The following MEF2C variants were observed in gnomAD, a reference collection of about 807,000 sequenced individuals.
MEF2C encodes myocyte enhancer factor 2C.
A neutral mutation model predicts 50.5 loss-of-function variants in MEF2C; 6 were observed. The ratio of observed to expected loss-of-function variants is 0.12; its 90% CI spans 0.07 to 0.23. The LOEUF (loss-of-function observed/expected upper bound fraction) is 0.23, where lower values mean the gene tolerates loss of function less well. Among genes scored for constraint, MEF2C ranks in the 10% least tolerant of loss-of-function variants. MEF2C has a pLI of 1.00. For missense variants in MEF2C, 276 were observed against 605.0 expected, an observed-to-expected ratio of 0.46 and a Z score of 5.70; for synonymous variants, 183 against 228.0, an observed-to-expected ratio of 0.80 and a Z score of 1.78.
At chr5:88,887,667 A>G (rs1278400935), upstream of MEF2C, 8 of 152,260 alleles carry the variant, frequency 5.3e-5, no homozygotes, top group Admixed American at 1.3e-4. Context: ...ACTTTCAAAT[A>G]GATTTATTTC....
In MEF2C at chr5:88,729,367, GACATTACTGATGA is replaced by G. The variant is rs1223218209; in HGVS notation, c.835-33_835-21del. On this transcript the variant is annotated intron_variant, in intron 8 of 10. Coordinates refer to ENST00000504921, the MANE Select transcript of MEF2C (RefSeq NM_002397.5). The stretch of plus-strand genomic sequence containing the variant: ...TTGATTCTTTTAAAATAAATAAAAA[GACATTACTGATGA>G]ATTTTTTTAAAAGTTAAAAATATTA... The G allele has an allele frequency of 6.4e-7, 1 of 1,566,150 alleles. No homozygotes were observed. The highest frequency in any genetic ancestry group is 1.2e-5 in the South Asian group (1 of 86,038).
At chr5:88,741,206 G>A (rs573423273) in intron 6 of MEF2C, 1 of 985,320 alleles carries the variant, frequency 1.0e-6, no homozygotes, top group Admixed American at 6.1e-5. Context: ...AATACTACTG[G>A]AACTGCATTA....
At chr5:88,885,967 A>G (rs1417674591), upstream of MEF2C, among the ~76,000 whole-genome samples, 1 of 152,204 alleles carries the variant, frequency 6.6e-6, no homozygotes, top group Admixed American at 6.5e-5. Context: ...AATAATACCC[A>G]TTATAACAAA....
At chr5:88,729,615 G>T in intron 8 of MEF2C, 1 of 408,430 alleles carries the variant, frequency 2.4e-6, no homozygotes, top group East Asian at 5.2e-5. Context: ...GGTAAAAACA[G>T]ACTATGTTGA....
chr5:88,727,293 G>A (rs760332132), intron 10 of MEF2C, among the ~76,000 whole-genome samples: 12 of 152,090 alleles, frequency 7.9e-5, no homozygotes, highest in Non-Finnish European at 1.3e-4. Context: ...ACAGTATCAC[G>A]TGAATTTATC....
intron 1 of MEF2C, among the ~76,000 whole-genome samples, chr5:88,877,118 TAA>T (rs2150012476): frequency 6.6e-6 from 1 of 152,174 alleles, no homozygotes; most frequent in South Asian, 2.1e-4. Context: ...TAAGAATTAA[TAA>T]AGTCTTTATA....
chr5:88,784,674 A>G (rs574148828), intron 3 of MEF2C, among the ~76,000 whole-genome samples: 73 of 152,332 alleles, frequency 4.8e-4, no homozygotes, highest in Middle Eastern at 3.4e-3. Flanking sequence ...ATCAAAGGTA[A>G]TAATTTCCCA....
chr5:88,822,556 G>A (rs889345809), intron 2 of MEF2C, among the ~76,000 whole-genome samples: 1 of 151,810 alleles, frequency 6.6e-6, no homozygotes, highest in Non-Finnish European at 1.5e-5. Flanking sequence ...AAACCTAAAA[G>A]TTTCTCTACT....
chr5:88,766,812 A>G (rs1394436001), intron 3 of MEF2C: 3 of 985,302 alleles, frequency 3.0e-6, no homozygotes. Flanking sequence ...AGTTGCATCA[A>G]TGTCATGTTC....
rs749148634 is a variant in MEF2C, at chr5:88,823,688, A to C, written c.54+47T>G. On this transcript the variant is annotated intron_variant, in intron 2 of 10. Transcript: ENST00000504921. ...TCTGTACCCTTAACATATGTGGAGA[A>C]AATATAATTAATAAATAATGATACA... 10 of 1,505,386 alleles carry C rather than the reference A, an allele frequency of 6.6e-6. No homozygotes were observed. The South Asian group carries it at 1.1e-4, about 16-fold the overall frequency. 93.3% of individuals were successfully genotyped at this position (1,505,386 alleles called of 1,614,324 possible). A position where few individuals can be genotyped will look rare whatever the true frequency, so the allele number is the denominator to read the frequency against.
At chr5:88,761,614 T>C (rs73177757) in intron 3 of MEF2C, 270 of 309,168 alleles carry the variant, frequency 8.7e-4, no homozygotes, top group African/African-American at 5.7e-3. Context: ...TTCAAATATC[T>C]AGTGAGAGAC....
chr5:88,738,497 G>T, intron 6 of MEF2C: 1 of 854,448 alleles, frequency 1.2e-6, no homozygotes, highest in Non-Finnish European at 1.4e-6. Context: ...CCGAAGAAAA[G>T]AGAGGTCCAG....
At position 88,773,213 on chromosome 5, in the gene MEF2C, G is replaced by A. The variant is rs942743889; in HGVS notation, c.259-11885C>T. Among the ~76,000 whole-genome samples, 9 of 152,288 alleles carry A rather than the reference G, an allele frequency of 5.9e-5. No individual in the cohort carries two copies. In the Middle Eastern group the frequency reaches 0.01, roughly 173 times the overall value. ...ACACTCAATAAATGTTGTTATTGTC[G>A]ATGAAAGAATAATGGAATTCAAGGC... On this transcript the variant is annotated intron_variant, in intron 3 of 10. Transcript: ENST00000504921.
At chr5:88,811,185 A>G (rs1420814647) in intron 2 of MEF2C, among the ~76,000 whole-genome samples, 1 of 152,136 alleles carries the variant, frequency 6.6e-6, no homozygotes, top group Non-Finnish European at 1.5e-5. Context: ...AGGGTCTGAG[A>G]ACAATCTGGC....
At chr5:88,734,149 A>C (rs894097450) in intron 6 of MEF2C, 9 of 984,836 alleles carry the variant, frequency 9.1e-6, no homozygotes, top group Non-Finnish European at 9.6e-6. Context: ...ATATGTTATG[A>C]ACTTAGTTTG....
chr5:88,775,706 A>G lies in MEF2C; in HGVS notation c.259-14378T>C. The G allele has an allele frequency of 4.8e-6, 3 of 618,598 alleles. No individual in the cohort carries two copies. In the South Asian group the frequency reaches 2.2e-4, roughly 45 times the overall value. 38.3% of individuals were successfully genotyped at this position (618,598 alleles called of 1,614,324 possible). A position where few individuals can be genotyped will look rare whatever the true frequency, so the allele number is the denominator to read the frequency against. The stretch of plus-strand genomic sequence containing the variant: ...ACCAATTATTACTTCACAAAATCTC[A>G]TTTCCCATGACTGCATATATTATGC... On this transcript the variant is annotated intron_variant, in intron 3 of 10. Coordinates refer to ENST00000504921, the MANE Select transcript of MEF2C (RefSeq NM_002397.5).
At chr5:88,792,234 A>T (rs997508907) in intron 3 of MEF2C, among the ~76,000 whole-genome samples, 2 of 152,156 alleles carry the variant, frequency 1.3e-5, no homozygotes, top group African/African-American at 4.8e-5. Flanking sequence ...ACAAGCTTCA[A>T]GTTAAAAAAA....
chr5:88,790,292 C>T (rs1441655209), intron 3 of MEF2C, among the ~76,000 whole-genome samples: 1 of 152,220 alleles, frequency 6.6e-6, no homozygotes, highest in African/African-American at 2.4e-5. Context: ...TACAGACACA[C>T]TTTCAAATTC....
chr5:88,744,348 G>A (rs1236991851), intron 6 of MEF2C, among the ~76,000 whole-genome samples: 1 of 152,210 alleles, frequency 6.6e-6, no homozygotes, highest in Non-Finnish European at 1.5e-5. Flanking sequence ...GAGCTCAGGA[G>A]TTTGTGACCA....
Sources: allele counts gnomAD v4.1 joint callset (sites outside exome capture counted in the v4.1 genomes callset), GRCh38; gene constraint gnomAD v4.1.1; transcripts MANE v1.5; gene names NCBI Gene and HGNC (gene_info 2026-07-23, HGNC 2026-07-21).